HELZ: variants seen among roughly 807,000 people sequenced by gnomAD.
The protein encoded by HELZ is helicase with zinc finger.
In HELZ, 23 loss-of-function variants were observed where a neutral mutation model predicts 218.2. The ratio of observed to expected loss-of-function variants is 0.11; its 90% CI spans 0.08 to 0.15. The LOEUF (loss-of-function observed/expected upper bound fraction) is 0.15. Among genes scored for constraint, HELZ ranks in the 10% least tolerant of loss-of-function variants. HELZ has a pLI of 1.00. For synonymous variants in HELZ, 814 were observed against 829.4 expected, an observed-to-expected ratio of 0.98 and a Z score of 0.32; for missense variants, 1,813 against 2,353.7, an observed-to-expected ratio of 0.77 and a Z score of 4.75.
At chr17:67,190,111 T>G in intron 10 of HELZ, 46 bp downstream of exon 10, 2 of 1,505,716 alleles carry the variant, frequency 1.3e-6, no homozygotes, top group Non-Finnish European at 1.8e-6. Context: ...AGACTCAAGT[T>G]CATTGTTTAA....
chr17:67,207,250 T>C (rs1439431435), intron 5 of HELZ, among the ~76,000 whole-genome samples: 34 of 111,828 alleles, frequency 3.0e-4, no homozygotes, highest in Non-Finnish European at 5.6e-4. Flanking sequence ...AGATGGAGTC[T>C]CGCTTTGTTG....
intron 31 of HELZ, among the ~76,000 whole-genome samples, chr17:67,092,428 G>C (rs539338959): frequency 6.6e-6 from 1 of 152,156 alleles, no homozygotes; most frequent in Non-Finnish European, 1.5e-5. Flanking sequence ...GATAAAATTA[G>C]GGGGGTTAAA....
chr17:67,201,388 C>T (rs939780677), intron 6 of HELZ, among the ~76,000 whole-genome samples: 16 of 152,158 alleles, frequency 1.1e-4, no homozygotes, highest in African/African-American at 3.1e-4. Flanking sequence ...AAAAACTATA[C>T]AGAATGCCTT....
intron 5 of HELZ, among the ~76,000 whole-genome samples, chr17:67,206,272 A>G (rs1239515581): frequency 1.3e-5 from 2 of 152,218 alleles, no homozygotes; most frequent in African/African-American, 4.8e-5. Flanking sequence ...GTTCACTAGG[A>G]GTTACAAAGG....
chr17:67,113,364 A>AT (rs529155675), intron 28 of HELZ, among the ~76,000 whole-genome samples: 1,667 of 151,926 alleles, frequency 0.011, 20 homozygotes, highest in South Asian at 0.018. Context: ...GGTTCACGCC[A>AT]TTCTCCTGCC....
intron 20 of HELZ, among the ~76,000 whole-genome samples, chr17:67,147,904 C>T (rs530704307): frequency 1.6e-4 from 24 of 152,348 alleles, no homozygotes; most frequent in African/African-American, 5.8e-4. Flanking sequence ...GTGGCGCACC[C>T]AGGGAGGGCA....
At position 67,167,654 on chromosome 17, in the gene HELZ, G is replaced by A. The variant is rs2039185504; in HGVS notation, c.1573C>T (p.Arg525Ter). Residue 525 changes from arginine to a stop codon, truncating the protein, a stop_gained, in exon 14 of 33, where the codon CGA (arginine) becomes TGA (stop). Transcript: ENST00000358691. LOFTEE classifies it high-confidence loss of function. ...GCATTGACTTTGGTCATCACCAGTC[G>A]TCCAGCCAAAGTATCTTCAGAAAGT... The part of the protein sequence containing the change: ...ETLSEDTLAG[R>*]LVMTKVNAVY... The A allele has an allele frequency of 6.2e-7, 1 of 1,613,960 alleles. No homozygotes were observed. The highest frequency in any genetic ancestry group is 8.5e-7 in the Non-Finnish European group (1 of 1,180,012).
chr17:67,195,451 A>G lies in HELZ; in HGVS notation c.449T>C (p.Leu150Pro). 6.2e-7 allele frequency: 1 copy of G among 1,606,280 alleles called. No individual in the cohort carries two copies. Among genetic ancestry groups the G allele is most frequent in the Non-Finnish European group, 8.5e-7 (1 of 1,172,986 alleles). ...TAAGTCTTCCACGTGATATCCAGAG[A>G]GGGCGTTACTAGTTGCTGTCTGCAA... ...SETETATSNA[L>P]SGYHVEDLDE... Residue 150 changes from leucine to proline, a missense_variant, in exon 8 of 33, where the codon CTC becomes CCC. Leu to Pro is a moderately conservative substitution (Grantham distance 98). Around this residue, in one of 4 missense-constraint regions of HELZ, gnomAD observed 714 missense variants for 1,029.2 expected, o/e 0.69. Transcript: ENST00000358691.
At chr17:67,128,492 T>C (rs2037872892) in intron 24 of HELZ, 159 bp downstream of exon 24, 2 of 682,016 alleles carry the variant, frequency 2.9e-6, no homozygotes, top group Admixed American at 2.3e-5. Flanking sequence ...TATTTTCACT[T>C]ACATGTCCAC....
intron 5 of HELZ, among the ~76,000 whole-genome samples, chr17:67,207,034 T>A (rs1213294266): frequency 6.6e-6 from 1 of 150,402 alleles, no homozygotes; most frequent in African/African-American, 2.5e-5. Flanking sequence ...TACCTCAGCC[T>A]CCCAAGTAGC....
intron 31 of HELZ, among the ~76,000 whole-genome samples, chr17:67,099,292 T>C (rs1475824787): frequency 3.9e-5 from 6 of 152,206 alleles, no homozygotes; most frequent in Non-Finnish European, 7.4e-5. Context: ...ACCCTACCAA[T>C]GACTGATGCT....
At chr17:67,151,256 T>G in intron 17 of HELZ, 32 bp from the exon 18 acceptor site, 2 of 1,538,928 alleles carry the variant, frequency 1.3e-6, no homozygotes, top group Non-Finnish European at 1.8e-6. Flanking sequence ...CTGATTTACA[T>G]TTACTAATTT....
At position 67,118,670 on chromosome 17, in the gene HELZ, G is replaced by C. The variant is rs574653233; in HGVS notation, c.3838+1735C>G. On this transcript the variant is annotated intron_variant, in intron 27 of 32. Coordinates refer to ENST00000358691, the MANE Select transcript of HELZ (RefSeq NM_014877.4). ...GTTCAAGGTCAGACTGCCCAACACA[G>C]CAAGACTCTGTCTTTAAAAGGCAAA... 1.5e-4 allele frequency among the ~76,000 whole-genome samples: 15 copies of C among 97,816 alleles called. No homozygotes were observed. In the South Asian group the frequency reaches 5.5e-3, roughly 36 times the overall value. The allele number at this position is 97,816 out of a possible 152,430, so 64.2% of individuals were successfully genotyped here.
Position 67,075,039 on chromosome 17 carries a change from G to T in HELZ, c.*3213C>A, listed in dbSNP as rs2035982520. 6.6e-6 allele frequency: 1 copy of T among 152,064 alleles called. No homozygotes were observed. Among genetic ancestry groups the T allele is most frequent in the African/African-American group, 2.4e-5 (1 of 41,424 alleles). The allele number at this position is 152,064 out of a possible 1,614,324, so 9.4% of individuals were successfully genotyped here. On this transcript the variant is annotated 3_prime_UTR_variant, in exon 33 of 33. Coordinates refer to ENST00000358691, the MANE Select transcript of HELZ (RefSeq NM_014877.4). ...GCTATAACAATTTGGCAAAGCATAT[G>T]CCCAAATGACAACCAAAACCCCCTT...
chr17:67,093,770 A>G (rs555024117), intron 31 of HELZ, among the ~76,000 whole-genome samples: 1 of 152,010 alleles, frequency 6.6e-6, no homozygotes, highest in East Asian at 1.9e-4. Context: ...TCTTGCCTAG[A>G]TAACTATGAC....
chr17:67,082,984 G>A (rs1466697784), intron 32 of HELZ, among the ~76,000 whole-genome samples: 2 of 150,948 alleles, frequency 1.3e-5, no homozygotes, highest in Non-Finnish European at 2.9e-5. Context: ...AGCCTCCCAA[G>A]TAGCTGGGAT....
intron 31 of HELZ, among the ~76,000 whole-genome samples, chr17:67,102,204 T>C (rs1186760068): frequency 2.6e-5 from 4 of 152,114 alleles, no homozygotes; most frequent in Admixed American, 6.5e-5. Context: ...AGTGGTGATA[T>C]AGGTGGGCAT....
intron 3 of HELZ, among the ~76,000 whole-genome samples, chr17:67,219,980 A>C (rs966063178): frequency 6.6e-6 from 1 of 152,056 alleles, no homozygotes; most frequent in Non-Finnish European, 1.5e-5. Context: ...CCAAAGAGTC[A>C]CTCTTGCTGA....
chr17:67,128,975 G>T (rs2037890361), intron 23 of HELZ, 120 bp from the exon 24 acceptor site: 4 of 735,464 alleles, frequency 5.4e-6, no homozygotes, highest in Non-Finnish European at 6.8e-6. Context: ...AAACCCAATA[G>T]TCATCTATGA....
Sources: allele counts gnomAD v4.1 joint callset (sites outside exome capture counted in the v4.1 genomes callset), GRCh38; gene constraint gnomAD v4.1.1; regional missense constraint gnomAD v4.1.1; transcripts MANE v1.5; gene names NCBI Gene and HGNC (gene_info 2026-07-23, HGNC 2026-07-21).